Variants in CCDC93 observed in about 807,000 individuals in gnomAD.
The protein encoded by CCDC93 is CCC complex scaffolding subunit CCDC93.
CCDC93 carries 61 observed loss-of-function variants against 108.2 expected under a neutral mutation model. That is an observed-to-expected ratio of 0.56 (90% CI 0.46 to 0.70). The LOEUF (loss-of-function observed/expected upper bound fraction) is 0.70. CCDC93 is among the 30% of genes least tolerant of loss of function. CCDC93 has a pLI of 0.00. For missense variants in CCDC93, 685 were observed against 764.2 expected, an observed-to-expected ratio of 0.90 and a Z score of 1.22; for synonymous variants, 276 against 260.4, an observed-to-expected ratio of 1.06 and a Z score of -0.58.
intron 2 of CCDC93, among the ~76,000 whole-genome samples, chr2:118,007,948 G>T (rs1437515288): frequency 2.0e-5 from 3 of 152,182 alleles, no homozygotes; most frequent in Non-Finnish European, 4.4e-5. Flanking sequence ...GTCCACGGTG[G>T]CACTTTCTGC....
intron 12 of CCDC93, among the ~76,000 whole-genome samples, chr2:117,955,666 CAG>C (rs1195506563): frequency 6.6e-6 from 1 of 152,080 alleles, no homozygotes; most frequent in African/African-American, 2.4e-5. Flanking sequence ...AGGAAAATAA[CAG>C]TACCTCCCAT....
chr2:117,939,867 T>C (rs1453196655), intron 19 of CCDC93, among the ~76,000 whole-genome samples: 1 of 152,186 alleles, frequency 6.6e-6, no homozygotes, highest in African/African-American at 2.4e-5. Flanking sequence ...TGGACTCAGG[T>C]ACCAGCTCAC....
At chr2:117,993,288 C>CA (rs748234287) in intron 6 of CCDC93, among the ~76,000 whole-genome samples, 1 of 150,920 alleles carries the variant, frequency 6.6e-6, no homozygotes, top group South Asian at 2.1e-4. Context: ...CCCAGCTACT[C>CA]GGGAGGCTGA....
Position 117,953,310 on chromosome 2 carries a change from T to A in CCDC93, c.1006-875A>T, listed in dbSNP as rs369307495. Among the ~76,000 whole-genome samples the A allele has an allele frequency of 4.6e-5, 7 of 152,296 alleles. No individual in the cohort carries two copies. The Middle Eastern group carries it at 0.014, about 296-fold the overall frequency. ...ACTCCAATCTAGCTACTAGTCTTCATGACTGATAAATAGTTATAATTCCAA... is the reference window on the plus strand; with the variant it reads ...ACTCCAATCTAGCTACTAGTCTTCAAGACTGATAAATAGTTATAATTCCAA... On this transcript the variant is annotated intron_variant, in intron 12 of 23. Transcript: ENST00000376300.
Position 117,917,865 on chromosome 2 carries a change from G to C in CCDC93, c.*2478C>G, listed in dbSNP as rs1677735283. On this transcript the variant is annotated 3_prime_UTR_variant, in exon 24 of 24. Transcript: ENST00000376300. ...CCCAGAGGCTGGCGGAGATTCCACA[G>C]CACTGGGCAGCCTGCCCGCTAGCAA... 1 of 152,354 alleles carries C rather than the reference G, an allele frequency of 6.6e-6. No homozygotes were observed. The allele number at this position is 152,354 out of a possible 1,614,324, so 9.4% of individuals were successfully genotyped here. A position where few individuals can be genotyped will look rare whatever the true frequency, so the allele number is the denominator to read the frequency against.
rs1677724673 is a variant in CCDC93, at chr2:117,917,555, CA to C, written c.*2787del. On this transcript the variant is annotated 3_prime_UTR_variant, in exon 24 of 24. Coordinates refer to ENST00000376300, the MANE Select transcript of CCDC93 (RefSeq NM_019044.5). ...TAAAACCATGAACTTCGGACTCTAA[CA>C]GAGATATGCTTGACAAACTGGGAAT... The C allele has an allele frequency of 6.6e-6, 1 of 152,414 alleles. No individual in the cohort carries two copies. The highest frequency in any genetic ancestry group is 6.6e-5 in the Admixed American group (1 of 15,264). 9.4% of individuals were successfully genotyped at this position (152,414 alleles called of 1,614,324 possible).
intron 6 of CCDC93, among the ~76,000 whole-genome samples, chr2:117,995,129 T>C (rs1452718565): frequency 6.6e-6 from 1 of 152,186 alleles, no homozygotes; most frequent in East Asian, 1.9e-4. Flanking sequence ...TCCCCATTCA[T>C]CATCTGCTCT....
chr2:118,013,615 T>A (rs1677079118), intron 1 of CCDC93, among the ~76,000 whole-genome samples: 1 of 151,500 alleles, frequency 6.6e-6, no homozygotes, highest in Admixed American at 6.5e-5. Context: ...CGGCGCGGGG[T>A]GGGGGAGCCC....
At chr2:117,944,109 A>C (rs762926667) in intron 17 of CCDC93, 23 bp from the exon 18 acceptor site, 12 of 1,538,084 alleles carry the variant, frequency 7.8e-6, no homozygotes. Flanking sequence ...AAAGGCTGTA[A>C]TTATCTGGGA....
chr2:117,950,285 C>G, intron 13 of CCDC93: 1 of 985,184 alleles, frequency 1.0e-6, no homozygotes, highest in Non-Finnish European at 1.2e-6. Context: ...TTCAACAAGT[C>G]AATTCTGATC....
intron 1 of CCDC93, among the ~76,000 whole-genome samples, chr2:118,009,669 C>T (rs1413869968): frequency 6.6e-6 from 1 of 152,118 alleles, no homozygotes; most frequent in Non-Finnish European, 1.5e-5. Context: ...AAGACTCTAT[C>T]TCTAAAAAAC....
intron 3 of CCDC93, among the ~76,000 whole-genome samples, chr2:118,005,302 C>A (rs985471397): frequency 6.6e-6 from 1 of 152,086 alleles, no homozygotes. Context: ...GAAAAAAGCA[C>A]ACGTGGGATC....
At chr2:117,945,663 G>C (rs141021267) in intron 16 of CCDC93, 81 bp from the exon 17 acceptor site, 1 of 1,168,974 alleles carries the variant, frequency 8.6e-7, no homozygotes, top group Non-Finnish European at 1.3e-6. Context: ...ATGTAGGAAG[G>C]GGCCAGGCAG....
chr2:117,960,746 C>G (rs1416854911), intron 11 of CCDC93, among the ~76,000 whole-genome samples: 2 of 152,196 alleles, frequency 1.3e-5, no homozygotes, highest in East Asian at 1.9e-4. Context: ...CAGAAGGTCT[C>G]AGAGGCCAAA....
intron 23 of CCDC93, among the ~76,000 whole-genome samples, chr2:117,927,398 A>T (rs1678154650): frequency 6.6e-6 from 1 of 152,134 alleles, no homozygotes; most frequent in Admixed American, 6.5e-5. Flanking sequence ...AATCTCCTTA[A>T]GCTGATAGAT....
intron 11 of CCDC93, among the ~76,000 whole-genome samples, chr2:117,971,235 C>T (rs887519815): frequency 4.6e-5 from 7 of 151,848 alleles, no homozygotes; most frequent in African/African-American, 7.3e-5. Flanking sequence ...TGGTGGTATG[C>T]GCCTGCAGTC....
chr2:117,987,427 T>C (rs930987292), intron 6 of CCDC93, among the ~76,000 whole-genome samples: 1 of 152,198 alleles, frequency 6.6e-6, no homozygotes, highest in African/African-American at 2.4e-5. Context: ...ACAAGACTCA[T>C]TCTACAATCT....
At chr2:117,981,374 C>T (rs1252313391) in intron 7 of CCDC93, among the ~76,000 whole-genome samples, 1 of 152,166 alleles carries the variant, frequency 6.6e-6, no homozygotes, top group East Asian at 1.9e-4. Context: ...TCCTCAACTG[C>T]CTATTAACTA....
chr2:118,013,395 A>C (rs1033923529), intron 1 of CCDC93, among the ~76,000 whole-genome samples: 1 of 152,196 alleles, frequency 6.6e-6, no homozygotes, highest in Non-Finnish European at 1.5e-5. Flanking sequence ...TGGTGCGCGC[A>C]AGTCTCCCAA....
Sources: allele counts gnomAD v4.1 joint callset (sites outside exome capture counted in the v4.1 genomes callset), GRCh38; gene constraint gnomAD v4.1.1; transcripts MANE v1.5; gene names NCBI Gene and HGNC (gene_info 2026-07-23, HGNC 2026-07-21).